VMP1: variants seen among roughly 807,000 people sequenced by gnomAD.
VMP1 encodes vacuole membrane protein 1, also known as ectopic P-granules autophagy protein 3 homolog.
In VMP1, 11 loss-of-function variants were observed where a neutral mutation model predicts 56.0. The observed-to-expected ratio is 0.20, with a 90% CI of 0.12 to 0.32. The LOEUF is 0.32. Ranked by LOEUF, VMP1 falls within the 10% of genes least tolerant of loss-of-function variation. The pLI, the probability that VMP1 is intolerant of heterozygous loss-of-function variation, is 1.00. For synonymous variants in VMP1, 149 were observed against 165.0 expected, an observed-to-expected ratio of 0.90 and a Z score of 0.74; for missense variants, 296 against 490.3, an observed-to-expected ratio of 0.60 and a Z score of 3.74.
intron 5 of VMP1, among the ~76,000 whole-genome samples, chr17:59,759,165 G>A (rs1189045241): frequency 6.6e-6 from 1 of 152,140 alleles, no homozygotes; most frequent in East Asian, 1.9e-4. Context: ...CCTGAGGTCA[G>A]GAGTTCAAAA....
chr17:59,749,387 G>A (rs542057408), intron 5 of VMP1, among the ~76,000 whole-genome samples: 1 of 152,074 alleles, frequency 6.6e-6, no homozygotes, highest in South Asian at 2.1e-4. Flanking sequence ...AAGAGAGACT[G>A]GCCAAGGATA....
At chr17:59,819,853 T>G (rs2038377597) in intron 10 of VMP1, among the ~76,000 whole-genome samples, 1 of 152,250 alleles carries the variant, frequency 6.6e-6, no homozygotes, top group Non-Finnish European at 1.5e-5. Flanking sequence ...ATGCATTATT[T>G]GTTCTTTTCT....
chr17:59,789,924 C>G (rs1028086740), intron 7 of VMP1, among the ~76,000 whole-genome samples: 1 of 140,420 alleles, frequency 7.1e-6, no homozygotes, highest in Admixed American at 7.5e-5. Flanking sequence ...ACTGCAACCT[C>G]CACCTCCCGG....
chr17:59,832,807 C>T (rs2038860180), intron 10 of VMP1, among the ~76,000 whole-genome samples: 1 of 113,808 alleles, frequency 8.8e-6, no homozygotes, highest in South Asian at 2.7e-4. Flanking sequence ...GACAGGGTTT[C>T]ACCATGTTGG....
intron 5 of VMP1, among the ~76,000 whole-genome samples, chr17:59,759,207 C>T (rs1298161056): frequency 6.6e-6 from 1 of 152,168 alleles, no homozygotes; most frequent in East Asian, 1.9e-4. Flanking sequence ...AACCACATCT[C>T]TACCAAAAAT....
At chr17:59,773,648 T>C in intron 6 of VMP1, 106 bp from the exon 7 acceptor site, 2 of 1,106,970 alleles carry the variant, frequency 1.8e-6, no homozygotes, top group African/African-American at 3.2e-5. Context: ...CCCAATATAT[T>C]GCATCTCAAA....
intron 5 of VMP1, among the ~76,000 whole-genome samples, chr17:59,750,930 T>TG (rs1362403399): frequency 2.1e-5 from 3 of 139,942 alleles, no homozygotes; most frequent in Non-Finnish European, 4.7e-5. Context: ...TAGCACCTTT[T>TG]TTTTTTTTTT....
intron 6 of VMP1, among the ~76,000 whole-genome samples, chr17:59,765,956 A>T (rs1361016777): frequency 6.6e-6 from 1 of 151,758 alleles, no homozygotes; most frequent in Non-Finnish European, 1.5e-5. Context: ...ATATATAGTT[A>T]TATATAAATA....
intron 7 of VMP1, among the ~76,000 whole-genome samples, chr17:59,777,576 C>G (rs1462291863): frequency 6.6e-6 from 1 of 151,946 alleles, no homozygotes; most frequent in Non-Finnish European, 1.5e-5. Flanking sequence ...CTTTGGGAGG[C>G]CGAGGTGGGT....
intron 11 of VMP1, 131 bp from the exon 12 acceptor site, chr17:59,839,637 G>C: frequency 1.7e-6 from 2 of 1,144,760 alleles, no homozygotes; most frequent in Non-Finnish European, 1.2e-6. Context: ...AGTAGTTGGG[G>C]TTGCTTACTT....
intron 7 of VMP1, among the ~76,000 whole-genome samples, chr17:59,779,687 T>A (rs1252577265): frequency 6.6e-6 from 1 of 152,180 alleles, no homozygotes; most frequent in Non-Finnish European, 1.5e-5. Flanking sequence ...CAACATTTAG[T>A]GGTTTAAACT....
intron 7 of VMP1, 103 bp downstream of exon 7, chr17:59,773,988 T>TAAA (rs199776106): frequency 1.8e-5 from 15 of 828,352 alleles, no homozygotes; most frequent in African/African-American, 2.3e-5. Flanking sequence ...ACTGCTAAAG[T>TAAA]AAAAAAAAAA....
chr17:59,761,926 C>G (rs145715130), intron 5 of VMP1, among the ~76,000 whole-genome samples: 2 of 152,176 alleles, frequency 1.3e-5, no homozygotes, highest in South Asian at 4.1e-4. Flanking sequence ...ATTCTCAACT[C>G]GGCAGGAGCA....
At chr17:59,718,377 T>C (rs1025444533) in intron 1 of VMP1, among the ~76,000 whole-genome samples, 2 of 151,592 alleles carry the variant, frequency 1.3e-5, no homozygotes, top group Admixed American at 6.6e-5. Context: ...TTTGTACTTT[T>C]AGTAGAGATG....
intron 5 of VMP1, among the ~76,000 whole-genome samples, chr17:59,747,766 A>G (rs1473608722): frequency 6.6e-6 from 1 of 151,696 alleles, no homozygotes; most frequent in East Asian, 1.9e-4. Context: ...GTGGGGGTGA[A>G]CACCTATCGT....
intron 7 of VMP1, among the ~76,000 whole-genome samples, chr17:59,774,607 A>T (rs1345325090): frequency 2.0e-5 from 3 of 152,160 alleles, no homozygotes; most frequent in Non-Finnish European, 4.4e-5. Flanking sequence ...AGTAAGCAAT[A>T]TGTAGTAGTA....
intron 3 of VMP1, 143 bp downstream of exon 3, chr17:59,735,616 C>A: frequency 1.1e-6 from 1 of 896,162 alleles, no homozygotes; most frequent in Non-Finnish European, 1.6e-6. Flanking sequence ...CATATTTATT[C>A]TCCTTTCTTT....
chr17:59,776,848 G>A (rs2036635049), intron 7 of VMP1, among the ~76,000 whole-genome samples: 1 of 152,132 alleles, frequency 6.6e-6, no homozygotes, highest in South Asian at 2.1e-4. Flanking sequence ...TTTTTGCTAT[G>A]ACTTGGATTC....
At chr17:59,818,352 G>C (rs569163344) in intron 10 of VMP1, among the ~76,000 whole-genome samples, 1 of 151,656 alleles carries the variant, frequency 6.6e-6, no homozygotes, top group African/African-American at 2.4e-5. Context: ...GGGTGACAGA[G>C]CAAGACTCTA....
Sources: gnomAD v4.1 joint callset for allele counts (sites outside exome capture counted in the v4.1 genomes callset) on GRCh38, gnomAD v4.1.1 for gene constraint, MANE v1.5 for transcripts, NCBI Gene and HGNC (gene_info 2026-07-23, HGNC 2026-07-21) for gene names.